Variants in MROH2B observed in about 807,000 individuals in gnomAD.
MROH2B encodes the protein maestro heat like repeat family member 2B.
A neutral mutation model predicts 208.6 loss-of-function variants in MROH2B; 177 were observed. The ratio of observed to expected loss-of-function variants is 0.85; its 90% CI spans 0.75 to 0.96. The LOEUF (loss-of-function observed/expected upper bound fraction) is 0.96, where lower values mean the gene tolerates loss of function less well. Among genes scored for constraint, MROH2B ranks in the 40% least tolerant of loss-of-function variants. The pLI, the probability that MROH2B is intolerant of heterozygous loss-of-function variation, is 0.00. For synonymous variants in MROH2B, 728 were observed against 659.0 expected (o/e 1.10, Z -1.60); for missense variants, 2,002 against 1,878.7 (o/e 1.07, Z -1.21).
chr5:41,022,313 T>G lies in MROH2B; in HGVS notation c.2442-3295A>C, dbSNP rs1378443767. Reference sequence around the variant, plus strand: ...TCCCTTTCCTAGCAAAGGGAAGAGGTGACAGATGGCACCTGGAAAATTGGG... The same window carrying G: ...TCCCTTTCCTAGCAAAGGGAAGAGGGGACAGATGGCACCTGGAAAATTGGG... On this transcript the variant is annotated intron_variant, in intron 24 of 41. Transcript: ENST00000399564. Among the ~76,000 whole-genome samples, 8 of 152,114 alleles carry G rather than the reference T, an allele frequency of 5.3e-5. No individual in the cohort carries two copies. In the East Asian group the frequency reaches 1.2e-3, roughly 22 times the overall value.
At position 41,065,469 on chromosome 5, in the gene MROH2B, G is replaced by A. The variant is rs776346223; in HGVS notation, c.223C>T (p.Leu75=). 66 of 1,612,834 alleles carry A rather than the reference G, an allele frequency of 4.1e-5. No homozygotes were observed. Among genetic ancestry groups the A allele is most frequent in the Non-Finnish European group, 5.4e-5 (64 of 1,179,430 alleles). ...AGAGACACCAAAACCTCACCAGCTA[G>A]CATTCTGATTTCTCTGAGCATCTGA... is the stretch of plus-strand genomic sequence containing the variant. ...DNNMLREIRM[L]AGEVLVSLAA... The change falls in exon 4 of 42, where the codon CTA becomes TTA. Residue 75 remains leucine, a synonymous_variant. Coordinates refer to ENST00000399564, the MANE Select transcript of MROH2B (RefSeq NM_173489.5).
intron 19 of MROH2B, among the ~76,000 whole-genome samples, chr5:41,041,579 G>A (rs962031973): frequency 2.6e-5 from 4 of 152,246 alleles, no homozygotes; most frequent in East Asian, 3.9e-4. Context: ...AACCAAGATC[G>A]TGTCACTGCA....
At chr5:40,999,867 T>C (rs1741330574) in intron 39 of MROH2B, 88 bp from the exon 40 acceptor site, 1 of 1,171,438 alleles carries the variant, frequency 8.5e-7, no homozygotes, top group East Asian at 2.4e-5. Flanking sequence ...AACGGATTTG[T>C]AAAGGCCAGT....
chr5:41,041,762 TTAGTC>T (rs1742960055), intron 19 of MROH2B, among the ~76,000 whole-genome samples: 1 of 151,648 alleles, frequency 6.6e-6, no homozygotes, highest in African/African-American at 2.4e-5. Context: ...TCTCTCTAGA[TTAGTC>T]TAGATTAGTC....
chr5:41,067,094 T>C lies in MROH2B; in HGVS notation c.201+14A>G. Reference sequence around the variant, plus strand: ...CACATAAAGACCCTTTTCACCATCATGAACCAAACTTACATTGTTGTCTCT... The same window carrying C: ...CACATAAAGACCCTTTTCACCATCACGAACCAAACTTACATTGTTGTCTCT... On this transcript the variant is annotated intron_variant, in intron 3 of 41. Coordinates refer to ENST00000399564, the MANE Select transcript of MROH2B (RefSeq NM_173489.5). The C allele has an allele frequency of 4.7e-6, 7 of 1,501,710 alleles. No homozygotes were observed. Among genetic ancestry groups the C allele is most frequent in the Non-Finnish European group, 6.3e-6 (7 of 1,102,466 alleles). The allele number at this position is 1,501,710 out of a possible 1,614,324, so 93.0% of individuals were successfully genotyped here. A position where few individuals can be genotyped will look rare whatever the true frequency, so the allele number is the denominator to read the frequency against.
intron 11 of MROH2B, among the ~76,000 whole-genome samples, chr5:41,053,295 G>T (rs998416007): frequency 2.0e-5 from 3 of 152,116 alleles, no homozygotes; most frequent in Admixed American, 6.5e-5. Flanking sequence ...ATTCTATGCT[G>T]TGTGGATATG....
chr5:41,054,325 C>T (rs1579952931), intron 11 of MROH2B, among the ~76,000 whole-genome samples: 2 of 152,310 alleles, frequency 1.3e-5, no homozygotes, highest in East Asian at 1.9e-4. Context: ...CCGCTATGTG[C>T]ATGACTTGCT....
chr5:41,045,905 C>T, intron 17 of MROH2B, 52 bp from the exon 18 acceptor site: 1 of 1,323,050 alleles, frequency 7.6e-7, no homozygotes, highest in Admixed American at 1.8e-5. Context: ...CATGTGCTTT[C>T]TTGGCATATT....
intron 17 of MROH2B, among the ~76,000 whole-genome samples, chr5:41,046,636 A>G (rs1226463071): frequency 1.3e-5 from 2 of 152,148 alleles, no homozygotes; most frequent in African/African-American, 4.8e-5. Context: ...AGAAGAAGAC[A>G]TGTGCAGACA....
At chr5:41,007,532 T>C in intron 33 of MROH2B, 78 bp from the exon 34 acceptor site, 1 of 1,288,692 alleles carries the variant, frequency 7.8e-7, no homozygotes, top group Non-Finnish European at 1.0e-6. Flanking sequence ...GCCTTTCCAC[T>C]CCTCACAATG....
intron 34 of MROH2B, 137 bp from the exon 35 acceptor site, chr5:41,005,782 G>A: frequency 1.4e-6 from 1 of 719,650 alleles, no homozygotes; most frequent in South Asian, 1.7e-5. Flanking sequence ...TGTAATCCTA[G>A]AACTTTGGGA....
intron 24 of MROH2B, among the ~76,000 whole-genome samples, chr5:41,026,368 C>T (rs1177658307): frequency 6.6e-6 from 1 of 152,156 alleles, no homozygotes; most frequent in Non-Finnish European, 1.5e-5. Context: ...GTGCAAAAAT[C>T]ACAAGCATTC....
intron 24 of MROH2B, among the ~76,000 whole-genome samples, chr5:41,023,188 C>G (rs142824827): frequency 0.04 from 6,160 of 152,216 alleles, 125 homozygotes; most frequent in African/African-American, 0.058. Flanking sequence ...CAAAGCTGGA[C>G]GGAGAATGAC....
In MROH2B at chr5:41,033,153, T is replaced by C; in HGVS notation, c.2249A>G (p.Asp750Gly). Reference protein sequence around the residue: ...LGMSVMNKDMDLQMSFTRSIT... With the variant: ...LGMSVMNKDMGLQMSFTRSIT... The stretch of plus-strand genomic sequence containing the variant: ...GCTTCTTGTGAAACTCATTTGCAGA[T>C]CCATGTCCTAAAGCAAAAGCATTTA... Residue 750 changes from aspartate (D) to glycine (G), a missense_variant, in exon 23 of 42, where the codon GAT becomes GGT. Asp to Gly is a moderately conservative substitution (Grantham distance 94). Transcript: ENST00000399564. 6.2e-7 allele frequency: 1 copy of C among 1,612,660 alleles called. No individual in the cohort carries two copies. Among genetic ancestry groups the C allele is most frequent in the East Asian group, 2.2e-5 (1 of 44,856 alleles).
chr5:41,058,148 T>C lies in MROH2B; in HGVS notation c.671A>G (p.Glu224Gly). The change falls in exon 7 of 42, where the codon GAA (glutamate) becomes GGA (glycine). Residue 224 changes from glutamate to glycine, a missense_variant. Physicochemically the swap from Glu to Gly is moderately conservative, Grantham distance 98. Transcript: ENST00000399564. The part of the protein sequence containing the change: ...GPTVSLLLHR[E>G]DFRGYALGQV... ...GCCCAGGGCGTATCCACGGAAGTCT[T>C]CCCGATGCAGCAGCAAGCTCACCGT... 2 of 1,606,906 alleles carry C rather than the reference T, an allele frequency of 1.2e-6. No homozygotes were observed. Among genetic ancestry groups the C allele is most frequent in the Non-Finnish European group, 1.7e-6 (2 of 1,176,468 alleles).
At chr5:41,051,779 A>G (rs1398997428) in intron 12 of MROH2B, among the ~76,000 whole-genome samples, 2 of 152,176 alleles carry the variant, frequency 1.3e-5, no homozygotes, top group Non-Finnish European at 2.9e-5. Context: ...AACTGTGAGA[A>G]ATAAATATTT....
chr5:41,071,030 T>C lies in MROH2B; in HGVS notation c.-178A>G. On this transcript the variant is annotated 5_prime_UTR_variant, in exon 1 of 42. Transcript: ENST00000399564. ...GGTCTGGGAGCTTCCAGAGATGGGCTTGCTGTTGAAGTTGATACTGTATTC... is the reference window on the plus strand; with the variant it reads ...GGTCTGGGAGCTTCCAGAGATGGGCCTGCTGTTGAAGTTGATACTGTATTC... The C allele has an allele frequency of 1.6e-6, 1 of 610,314 alleles. No individual in the cohort carries two copies. Among genetic ancestry groups the C allele is most frequent in the East Asian group, 2.8e-5 (1 of 36,208 alleles). The allele number at this position is 610,314 out of a possible 1,614,324, so 37.8% of individuals were successfully genotyped here.
rs1252577921 is a variant in MROH2B at position 41,064,584 on chromosome 5, C to G, written c.362-14G>C. On this transcript the variant is annotated splice_polypyrimidine_tract_variant and intron_variant, in intron 4 of 41. Coordinates refer to ENST00000399564, the MANE Select transcript of MROH2B (RefSeq NM_173489.5). ...TACTCTGGGACACTGGAGGGAGAGGCAGAAAGGAGACAAGTGTTATTTATC... is the reference window on the plus strand; with the variant it reads ...TACTCTGGGACACTGGAGGGAGAGGGAGAAAGGAGACAAGTGTTATTTATC... The G allele has an allele frequency of 1.3e-6, 2 of 1,596,014 alleles. No homozygotes were observed. Among genetic ancestry groups the G allele is most frequent in the East Asian group, 4.5e-5 (2 of 44,658 alleles).
rs35848875 is a variant in MROH2B at position 41,005,413 on chromosome 5, A to AGCCCCCCC, written c.3864+117_3864+118insGGGGGGGC. 53 of 204,666 alleles carry AGCCCCCCC rather than the reference A, an allele frequency of 2.6e-4. 12 individuals carry two copies. The highest frequency in any genetic ancestry group is 7.5e-4 in the South Asian group (15 of 19,956). The allele number at this position is 204,666 out of a possible 1,614,324, so 12.7% of individuals were successfully genotyped here. A position where few individuals can be genotyped will look rare whatever the true frequency, so the allele number is the denominator to read the frequency against. On this transcript the variant is annotated intron_variant, in intron 35 of 41. Coordinates refer to ENST00000399564, the MANE Select transcript of MROH2B (RefSeq NM_173489.5). ...CAGTAGCTGGTCTCTCCTCTATGAA[A>AGCCCCCCC]CCCCCCCCCCCCTTGAAGTCTCTCT...
Sources: allele counts gnomAD v4.1 joint callset (sites outside exome capture counted in the v4.1 genomes callset), GRCh38; gene constraint gnomAD v4.1.1; transcripts MANE v1.5; gene names NCBI Gene and HGNC (gene_info 2026-07-23, HGNC 2026-07-21).